The following NRXN1 variants were observed in gnomAD, a reference collection of about 807,000 sequenced individuals.
NRXN1 encodes the protein neurexin-1.
NRXN1 carries 39 observed loss-of-function variants against 150.9 expected under a neutral mutation model. The observed-to-expected ratio is 0.26, with a 90% CI of 0.20 to 0.34. The LOEUF is 0.34. Among genes scored for constraint, NRXN1 ranks in the 10% least tolerant of loss-of-function variants. The probability of loss-of-function intolerance (pLI) is 1.00; values close to 1 mark genes in which losing one functional copy is unlikely to be tolerated. For missense variants in NRXN1, 1,815 were observed against 1,949.9 expected (o/e 0.93, Z 1.30); for synonymous variants, 924 against 757.0 (o/e 1.22, Z -3.62).
At chr2:50,214,976 C>T (rs953745911) in intron 18 of NRXN1, among the ~76,000 whole-genome samples, 2 of 151,884 alleles carry the variant, frequency 1.3e-5, no homozygotes, top group Non-Finnish European at 2.9e-5. Context: ...TAGCTAGGTC[C>T]CTGATTTGCA....
intron 17 of NRXN1, among the ~76,000 whole-genome samples, chr2:50,305,706 T>A (rs2074551714): frequency 6.6e-6 from 1 of 152,208 alleles, no homozygotes; most frequent in African/African-American, 2.4e-5. Flanking sequence ...TGTGGCTTGA[T>A]ATTCTCATTA....
At chr2:50,302,157 G>C (rs183080803) in intron 17 of NRXN1, among the ~76,000 whole-genome samples, 4 of 152,164 alleles carry the variant, frequency 2.6e-5, no homozygotes, top group Admixed American at 2.6e-4. Context: ...ACTAAGTTTT[G>C]TGGCAATTTT....
rs549861088 is a variant in NRXN1, at chr2:50,709,930, G to T, written c.833-86315C>A. 1.2e-4 allele frequency among the ~76,000 whole-genome samples: 18 copies of T among 152,230 alleles called. No individual in the cohort carries two copies. In the South Asian group the frequency reaches 3.3e-3, roughly 28 times the overall value. On this transcript the variant is annotated intron_variant, in intron 5 of 22. Coordinates refer to ENST00000401669, the MANE Select transcript of NRXN1 (RefSeq NM_001330078.2). ...TTTATTGGCCCAGTTCCCCAGAAAT[G>T]CATTCCAGAAGATATATTTTGAGTT...
chr2:50,118,840 A>T (rs1000872365), intron 18 of NRXN1, among the ~76,000 whole-genome samples: 2 of 152,154 alleles, frequency 1.3e-5, no homozygotes, highest in Non-Finnish European at 2.9e-5. Flanking sequence ...TTCTTCTAAC[A>T]TAAGTCTGGA....
chr2:50,327,919 G>A (rs2076497655), intron 17 of NRXN1, among the ~76,000 whole-genome samples: 1 of 152,156 alleles, frequency 6.6e-6, no homozygotes, highest in Non-Finnish European at 1.5e-5. Context: ...AAAATGCTGG[G>A]ATTACAGGTG....
intron 21 of NRXN1, among the ~76,000 whole-genome samples, chr2:50,000,922 G>T (rs575988072): frequency 6.6e-6 from 1 of 152,220 alleles, no homozygotes; most frequent in South Asian, 2.1e-4. Flanking sequence ...GTCATCCAGG[G>T]GTTGTTCAAT....
intron 12 of NRXN1, among the ~76,000 whole-genome samples, chr2:50,514,719 C>T (rs188554460): frequency 3.9e-5 from 6 of 152,252 alleles, no homozygotes; most frequent in African/African-American, 1.4e-4. Context: ...AAACAGGGAG[C>T]TAGCTTGAGA....
intron 18 of NRXN1, among the ~76,000 whole-genome samples, chr2:50,169,456 A>T (rs2059889549): frequency 6.6e-6 from 1 of 151,874 alleles, no homozygotes; most frequent in East Asian, 1.9e-4. Flanking sequence ...GGCTCATGCT[A>T]GTAATCCCAG....
intron 5 of NRXN1, among the ~76,000 whole-genome samples, chr2:50,680,542 G>C (rs964335877): frequency 6.6e-6 from 1 of 152,156 alleles, no homozygotes; most frequent in East Asian, 1.9e-4. Flanking sequence ...TAAAAAAAAT[G>C]TCAATCAACT....
chr2:50,702,986 T>C (rs562876081), intron 5 of NRXN1, among the ~76,000 whole-genome samples: 1 of 152,144 alleles, frequency 6.6e-6, no homozygotes, highest in East Asian at 1.9e-4. Context: ...AGAAGTTAAA[T>C]CTCCAGTGAG....
intron 5 of NRXN1, among the ~76,000 whole-genome samples, chr2:50,900,018 A>AT (rs570710470): frequency 3.5e-4 from 53 of 152,312 alleles, no homozygotes; most frequent in African/African-American, 8.7e-4. Context: ...ACCAAAAGGG[A>AT]TTTTTTTGTG....
chr2:50,925,898 G>C, intron 3 of NRXN1, 40 bp downstream of exon 3: 1 of 1,513,678 alleles, frequency 6.6e-7, no homozygotes, highest in African/African-American at 1.4e-5. Flanking sequence ...AGAAATAAAG[G>C]ACAAATGAGA....
Position 51,027,821 on chromosome 2 carries a change from G to A in NRXN1, c.453C>T (p.Ser151=), listed in dbSNP as rs774821523. Residue 151 remains serine, a synonymous_variant, in exon 2 of 23, where the codon AGC becomes AGT. Coordinates refer to ENST00000401669, the MANE Select transcript of NRXN1 (RefSeq NM_001330078.2). The part of the protein sequence containing the change: ...KSKRRDMTVF[S]GLFVGGLPPE... ...GGGGCAGCCCCCCGACGAAAAGGCC[G>A]CTGAACACCGTCATGTCCCTGCGCT... 1.2e-5 allele frequency: 20 copies of A among 1,613,256 alleles called. No homozygotes were observed. The highest frequency in any genetic ancestry group is 2.7e-5 in the African/African-American group (2 of 74,912).
chr2:50,873,100 A>G (rs1316895315), intron 5 of NRXN1, among the ~76,000 whole-genome samples: 2 of 151,890 alleles, frequency 1.3e-5, no homozygotes, highest in Non-Finnish European at 2.9e-5. Flanking sequence ...TAGTTCCACC[A>G]TTCAGTAGCT....
At chr2:50,107,624 G>T (rs530688540) in intron 18 of NRXN1, among the ~76,000 whole-genome samples, 1 of 149,194 alleles carries the variant, frequency 6.7e-6, no homozygotes, top group South Asian at 2.1e-4. Flanking sequence ...CTATGTACCT[G>T]GTTATATTCA....
chr2:49,934,979 A>C (rs528065068), intron 22 of NRXN1, among the ~76,000 whole-genome samples: 24 of 152,168 alleles, frequency 1.6e-4, no homozygotes, highest in African/African-American at 5.8e-4. Flanking sequence ...ACTTTGAAAA[A>C]CTTGCTAGAT....
Position 50,621,209 on chromosome 2 carries a change from C to T in NRXN1, c.1158+17G>A. ...AACAATTAGAATGATATCTACCGAA[C>T]AATGTAGTTTGTTTACCATAGCGTG... On this transcript the variant is annotated intron_variant, in intron 7 of 22. Transcript: ENST00000401669. 6.4e-7 allele frequency: 1 copy of T among 1,563,434 alleles called. No individual in the cohort carries two copies. Among genetic ancestry groups the T allele is most frequent in the South Asian group, 1.2e-5 (1 of 84,654 alleles).
At chr2:50,959,565 T>C (rs983368531) in intron 2 of NRXN1, among the ~76,000 whole-genome samples, 3 of 151,880 alleles carry the variant, frequency 2.0e-5, no homozygotes, top group Non-Finnish European at 2.9e-5. Flanking sequence ...GAGCTATAAG[T>C]AGATGAATAG....
At chr2:50,920,394 A>G (rs989984983) in intron 5 of NRXN1, among the ~76,000 whole-genome samples, 1 of 151,812 alleles carries the variant, frequency 6.6e-6, no homozygotes, top group Non-Finnish European at 1.5e-5. Flanking sequence ...CCATATGTAG[A>G]AAATGGTTGT....
Sources: allele counts gnomAD v4.1 joint callset (sites outside exome capture counted in the v4.1 genomes callset), GRCh38; gene constraint gnomAD v4.1.1; transcripts MANE v1.5; gene names NCBI Gene and HGNC (gene_info 2026-07-23, HGNC 2026-07-21).